Variants in HLCS observed in about 807,000 individuals in gnomAD.
HLCS encodes holocarboxylase synthetase, also known as biotin--protein ligase.
In HLCS, 53 loss-of-function variants were observed where a neutral mutation model predicts 75.0. The ratio of observed to expected loss-of-function variants is 0.71; its 90% CI spans 0.57 to 0.89. HLCS has a LOEUF of 0.89. HLCS is among the 40% of genes least tolerant of loss of function. HLCS has a pLI of 0.00. For missense variants in HLCS, 966 were observed against 1,074.0 expected (o/e 0.90, Z 1.41); for synonymous variants, 431 against 428.6 (o/e 1.01, Z -0.07).
intron 6 of HLCS, among the ~76,000 whole-genome samples, chr21:36,784,311 CTTTTTT>C (rs34045793): frequency 7.7e-6 from 1 of 130,658 alleles, no homozygotes; most frequent in Non-Finnish European, 1.6e-5. Context: ...AATACCACCT[CTTTTTT>C]TTTTTTTTTT....
intron 6 of HLCS, among the ~76,000 whole-genome samples, chr21:36,775,160 T>G (rs375747627): frequency 2.6e-5 from 4 of 152,220 alleles, no homozygotes; most frequent in South Asian, 2.1e-4. Flanking sequence ...CCCGCTTCAT[T>G]TCCGTAGCTC....
intron 5 of HLCS, among the ~76,000 whole-genome samples, chr21:36,921,873 C>T (rs576675964): frequency 3.5e-4 from 53 of 152,158 alleles, no homozygotes; most frequent in Non-Finnish European, 6.2e-4. Flanking sequence ...TCTCCAGACC[C>T]GCTACTCTAA....
chr21:36,775,132 G>T (rs2060317195), intron 6 of HLCS, among the ~76,000 whole-genome samples: 1 of 152,208 alleles, frequency 6.6e-6, no homozygotes, highest in Admixed American at 6.5e-5. Flanking sequence ...CTGTGGGTCA[G>T]GCCCTCTGTT....
chr21:36,897,017 T>C lies in HLCS; in HGVS notation c.1735A>G (p.Ile579Val), dbSNP rs1324087521. 2 of 1,614,226 alleles carry C rather than the reference T, an allele frequency of 1.2e-6. No homozygotes were observed. The highest frequency in any genetic ancestry group is 1.7e-6 in the Non-Finnish European group (2 of 1,180,042). ...FVSSYVSEVE[I>V]TPSCIPVVTN... The stretch of plus-strand genomic sequence containing the variant: ...ACCACAGGTATACAAGATGGGGTTA[T>C]TTCTACTTCAGACACGTAGGATGAA... The change falls in exon 6 of 11, where the codon ATA becomes GTA. Residue 579 changes from isoleucine (I) to valine (V), a missense_variant. Transcript: ENST00000674895.
At chr21:36,774,581 G>A (rs1432097176) in intron 6 of HLCS, among the ~76,000 whole-genome samples, 3 of 152,194 alleles carry the variant, frequency 2.0e-5, no homozygotes, top group South Asian at 2.1e-4. Context: ...CAGGGAGACA[G>A]AGGGAAGGAA....
At chr21:36,838,691 G>A (rs1045752672) in intron 6 of HLCS, among the ~76,000 whole-genome samples, 68 of 147,910 alleles carry the variant, frequency 4.6e-4, no homozygotes, top group Middle Eastern at 3.3e-3. Context: ...GCGACAGAGC[G>A]AGACTCCGTC....
At chr21:36,915,708 A>T (rs1384136557) in intron 5 of HLCS, among the ~76,000 whole-genome samples, 3 of 152,240 alleles carry the variant, frequency 2.0e-5, no homozygotes, top group African/African-American at 7.2e-5. Context: ...CTGAAACTCC[A>T]TCTGGCCAGT....
chr21:36,782,780 C>T (rs2060573076), intron 6 of HLCS, among the ~76,000 whole-genome samples: 1 of 152,006 alleles, frequency 6.6e-6, no homozygotes. Flanking sequence ...ACCAACGTGG[C>T]CAACATAGTG....
intron 2 of HLCS, 28 bp downstream of exon 2, chr21:36,962,008 A>C: frequency 7.8e-7 from 1 of 1,276,070 alleles, no homozygotes; most frequent in Non-Finnish European, 1.0e-6. Context: ...TCAGTTCCTT[A>C]TGGGACACAA....
intron 8 of HLCS, among the ~76,000 whole-genome samples, chr21:36,764,179 A>G (rs953228625): frequency 1.3e-5 from 2 of 152,134 alleles, no homozygotes; most frequent in Non-Finnish European, 2.9e-5. Flanking sequence ...CGGGCGGATC[A>G]CAAGGTCAAG....
intron 6 of HLCS, among the ~76,000 whole-genome samples, chr21:36,874,724 G>C (rs1256060407): frequency 2.6e-5 from 4 of 152,226 alleles, no homozygotes; most frequent in Non-Finnish European, 5.9e-5. Flanking sequence ...GGCCAGGGCT[G>C]CTGCACTCCA....
At chr21:36,812,343 C>T (rs2061537314) in intron 6 of HLCS, among the ~76,000 whole-genome samples, 1 of 152,204 alleles carries the variant, frequency 6.6e-6, no homozygotes, top group African/African-American at 2.4e-5. Flanking sequence ...TTTTCTAACA[C>T]ACAGAGTATG....
intron 1 of HLCS, among the ~76,000 whole-genome samples, chr21:36,976,700 A>G (rs191303649): frequency 7.3e-4 from 111 of 152,318 alleles, no homozygotes; most frequent in Non-Finnish European, 3.8e-4. Flanking sequence ...AACTCTCTGT[A>G]CTATTTCTCT....
At chr21:36,888,434 A>T (rs1195350151) in intron 6 of HLCS, among the ~76,000 whole-genome samples, 6 of 14,058 alleles carry the variant, frequency 4.3e-4, no homozygotes, top group African/African-American at 1.2e-3. Context: ...TTCCCATTTA[A>T]AAAAAAAAAA....
At chr21:36,831,362 A>G (rs1162307862) in intron 6 of HLCS, among the ~76,000 whole-genome samples, 1 of 152,176 alleles carries the variant, frequency 6.6e-6, no homozygotes, top group African/African-American at 2.4e-5. Context: ...GGAAGGAAAT[A>G]AATTACATGT....
At chr21:36,948,088 G>A (rs988160869) in intron 2 of HLCS, 174 of 493,786 alleles carry the variant, frequency 3.5e-4, no homozygotes, top group Non-Finnish European at 4.4e-4. Flanking sequence ...TCAGGAGTTC[G>A]AAACCAGCCT....
chr21:36,888,937 T>C (rs780535461), intron 6 of HLCS, among the ~76,000 whole-genome samples: 2 of 152,128 alleles, frequency 1.3e-5, no homozygotes, highest in African/African-American at 2.4e-5. Context: ...CCTATATCAC[T>C]GTGCCCACCT....
intron 4 of HLCS, among the ~76,000 whole-genome samples, chr21:36,932,447 C>G: frequency 6.6e-6 from 1 of 152,208 alleles, no homozygotes; most frequent in East Asian, 1.9e-4. Context: ...TCCCACCCTC[C>G]TTCCCCTGAT....
intron 5 of HLCS, among the ~76,000 whole-genome samples, chr21:36,897,834 G>A: frequency 6.6e-6 from 1 of 152,170 alleles, no homozygotes; most frequent in Non-Finnish European, 1.5e-5. Context: ...GCTGGAGGAG[G>A]TTCCCCCACG....
Sources: gnomAD v4.1 joint callset for allele counts (sites outside exome capture counted in the v4.1 genomes callset) on GRCh38, gnomAD v4.1.1 for gene constraint, MANE v1.5 for transcripts, NCBI Gene and HGNC (gene_info 2026-07-23, HGNC 2026-07-21) for gene names.